Variants in SCN9A observed in about 807,000 individuals in gnomAD.
SCN9A encodes the protein sodium voltage-gated channel alpha subunit 9, also known as sodium channel protein type 9 subunit alpha.
In SCN9A, 131 loss-of-function variants were observed where a neutral mutation model predicts 187.0. The observed-to-expected ratio is 0.70, with a 90% CI of 0.61 to 0.81. SCN9A has a LOEUF of 0.81. Among genes scored for constraint, SCN9A ranks in the 30% least tolerant of loss-of-function variants. The pLI is 0.00. For synonymous variants in SCN9A, 809 were observed against 808.6 expected, an observed-to-expected ratio of 1.00 and a Z score of -0.01; for missense variants, 2,252 against 2,396.6, an observed-to-expected ratio of 0.94 and a Z score of 1.26.
chr2:166,280,874 G>A (rs1273281095), intron 13 of SCN9A, among the ~76,000 whole-genome samples: 1 of 152,064 alleles, frequency 6.6e-6, no homozygotes, highest in African/African-American at 2.4e-5. Context: ...AACATGTGAT[G>A]GTAAACAGGA....
intron 17 of SCN9A, among the ~76,000 whole-genome samples, chr2:166,253,449 A>T (rs921174852): frequency 1.3e-5 from 2 of 151,872 alleles, no homozygotes; most frequent in Admixed American, 6.6e-5. Context: ...TTAAAATAAG[A>T]TAATAGAAAT....
chr2:166,311,330 CTATATATATA>C (rs10688081), intron 2 of SCN9A, among the ~76,000 whole-genome samples, 159 bp downstream of exon 2: 50 of 46,716 alleles, frequency 1.1e-3, no homozygotes, highest in African/African-American at 1.5e-3. Context: ...TCTGAATATC[CTATATATATA>C]TATATATATA....
intron 21 of SCN9A, among the ~76,000 whole-genome samples, chr2:166,231,865 G>A (rs1695101340): frequency 6.6e-6 from 1 of 152,156 alleles, no homozygotes; most frequent in African/African-American, 2.4e-5. Context: ...GTATCAGTAA[G>A]CTGGACTAAT....
At chr2:166,343,480 G>T (rs1574946972) in intron 1 of SCN9A, among the ~76,000 whole-genome samples, 1 of 152,120 alleles carries the variant, frequency 6.6e-6, no homozygotes, top group African/African-American at 2.4e-5. Context: ...GGGAACCTTT[G>T]GTTTGAGGAC....
At chr2:166,341,560 T>C (rs1394067548) in intron 1 of SCN9A, among the ~76,000 whole-genome samples, 1 of 152,182 alleles carries the variant, frequency 6.6e-6, no homozygotes, top group African/African-American at 2.4e-5. Context: ...TGCCTAAATA[T>C]GTACATGGGT....
intron 1 of SCN9A, among the ~76,000 whole-genome samples, chr2:166,369,360 T>G (rs1323423205): frequency 6.6e-6 from 1 of 152,198 alleles, no homozygotes; most frequent in African/African-American, 2.4e-5. Flanking sequence ...AAAAATATTT[T>G]ACAGTCTGAA....
chr2:166,370,613 A>G (rs1700538917), intron 1 of SCN9A, among the ~76,000 whole-genome samples: 1 of 152,062 alleles, frequency 6.6e-6, no homozygotes, highest in Admixed American at 6.5e-5. Flanking sequence ...AGGTGTGCAT[A>G]TAGCACATAA....
At chr2:166,369,143 T>G (rs1700491370) in intron 1 of SCN9A, among the ~76,000 whole-genome samples, 2 of 151,660 alleles carry the variant, frequency 1.3e-5, no homozygotes, top group Admixed American at 1.3e-4. Context: ...TACATATATA[T>G]CTCCTAATAT....
chr2:166,263,119 G>A (rs542859073), intron 17 of SCN9A, among the ~76,000 whole-genome samples: 1 of 152,072 alleles, frequency 6.6e-6, no homozygotes, highest in South Asian at 2.1e-4. Context: ...AATGAATGGT[G>A]TGGAGAAGAA....
At chr2:166,218,199 C>T (rs562546597) in intron 24 of SCN9A, among the ~76,000 whole-genome samples, 26 of 141,006 alleles carry the variant, frequency 1.8e-4, no homozygotes, top group African/African-American at 6.4e-4. Context: ...GGACGTTATG[C>T]TAAGCAAAAT....
chr2:166,329,348 CAT>C (rs1181622367), intron 1 of SCN9A, among the ~76,000 whole-genome samples: 3 of 152,082 alleles, frequency 2.0e-5, no homozygotes, highest in East Asian at 3.9e-4. Flanking sequence ...ATAATGGTCA[CAT>C]GTGTGAAATA....
chr2:166,236,919 T>A (rs1405286632), intron 20 of SCN9A, among the ~76,000 whole-genome samples: 1 of 152,210 alleles, frequency 6.6e-6, no homozygotes, highest in East Asian at 1.9e-4. Flanking sequence ...CTTGGTTAAA[T>A]TTTAAAGCAC....
At chr2:166,226,092 C>T (rs1694831219) in intron 24 of SCN9A, among the ~76,000 whole-genome samples, 1 of 152,018 alleles carries the variant, frequency 6.6e-6, no homozygotes, top group African/African-American at 2.4e-5. Flanking sequence ...TTCAACAAGT[C>T]TTAATTTTCA....
chr2:166,307,992 G>A lies in SCN9A; in HGVS notation c.259-918C>T, dbSNP rs185496131. Among the ~76,000 whole-genome samples the A allele has an allele frequency of 1.2e-3, 189 of 152,268 alleles. 1 individual carries two copies. Among genetic ancestry groups the A allele is most frequent in the African/African-American group, 4.4e-3 (184 of 41,552 alleles). On this transcript the variant is annotated intron_variant, in intron 2 of 26. Coordinates refer to ENST00000642356, the MANE Select transcript of SCN9A (RefSeq NM_001365536.1). ...TTTCTGGCAATAAGCATTTCTCACC[G>A]TATTCAGGAGGTAAGTCTGTGAGTC...
intron 2 of SCN9A, among the ~76,000 whole-genome samples, chr2:166,307,312 C>A (rs532972999): frequency 2.0e-5 from 3 of 152,282 alleles, no homozygotes; most frequent in Non-Finnish European, 2.9e-5. Context: ...GCATGTATTG[C>A]TTAGAGCTTT....
At chr2:166,339,820 T>A (rs1430888051) in intron 1 of SCN9A, among the ~76,000 whole-genome samples, 1 of 152,188 alleles carries the variant, frequency 6.6e-6, no homozygotes, top group African/African-American at 2.4e-5. Context: ...GATGAGAACC[T>A]TAGTGTAGAA....
At chr2:166,255,838 CAG>C (rs10548341) in intron 17 of SCN9A, among the ~76,000 whole-genome samples, 4,491 of 151,470 alleles carry the variant, frequency 0.03, 483 homozygotes, top group Admixed American at 0.2. Flanking sequence ...TTATGGCAGA[CAG>C]TGGTAAACTA....
chr2:166,255,821 A>G (rs1290763106), intron 17 of SCN9A, among the ~76,000 whole-genome samples: 1 of 150,654 alleles, frequency 6.6e-6, no homozygotes. Context: ...ATAAAAGAGA[A>G]GAAAAATTAT....
At chr2:166,208,542 G>GTATAAC (rs10700599) in intron 24 of SCN9A, among the ~76,000 whole-genome samples, 134,808 of 151,734 alleles carry the variant, frequency 0.89, 59,968 homozygotes, top group East Asian at 0.95. Flanking sequence ...TTATATATTT[G>GTATAAC]TATATCATGT....
Sources: allele counts gnomAD v4.1 joint callset (sites outside exome capture counted in the v4.1 genomes callset), GRCh38; gene constraint gnomAD v4.1.1; transcripts MANE v1.5; gene names NCBI Gene and HGNC (gene_info 2026-07-23, HGNC 2026-07-21).